Variants in RASGRP1 observed in about 807,000 individuals in gnomAD.
RASGRP1 encodes the protein RAS guanyl releasing protein 1.
RASGRP1 carries 37 observed loss-of-function variants against 95.1 expected under a neutral mutation model. That is an observed-to-expected ratio of 0.39 (90% CI 0.30 to 0.51). RASGRP1 has a LOEUF of 0.51. Ranked by LOEUF, RASGRP1 falls within the 20% of genes least tolerant of loss-of-function variation. The pLI is 0.80. For synonymous variants in RASGRP1, 325 were observed against 353.4 expected, an observed-to-expected ratio of 0.92 and a Z score of 0.90; for missense variants, 711 against 965.4, an observed-to-expected ratio of 0.74 and a Z score of 3.49.
chr15:38,551,985 A>T (rs1164417556), intron 2 of RASGRP1, among the ~76,000 whole-genome samples: 1 of 152,226 alleles, frequency 6.6e-6, no homozygotes, highest in Non-Finnish European at 1.5e-5. Flanking sequence ...CAGAAATCAA[A>T]ATAGAGATAG....
At chr15:38,560,581 T>C (rs996935331) in intron 1 of RASGRP1, among the ~76,000 whole-genome samples, 2 of 152,140 alleles carry the variant, frequency 1.3e-5, no homozygotes, top group African/African-American at 2.4e-5. Flanking sequence ...GGGGGAGAAG[T>C]CAAAGACTGA....
chr15:38,502,135 G>A (rs991821098), intron 12 of RASGRP1, among the ~76,000 whole-genome samples, 177 bp downstream of exon 12: 7 of 152,308 alleles, frequency 4.6e-5, no homozygotes, highest in South Asian at 2.1e-4. Context: ...GATTACAGGC[G>A]TGAGCCACTG....
intron 11 of RASGRP1, 60 bp from the exon 12 acceptor site, chr15:38,502,481 G>T: frequency 1.9e-6 from 2 of 1,071,402 alleles, no homozygotes; most frequent in Non-Finnish European, 2.8e-6. Context: ...TCTCCCTTTA[G>T]TCAAATGACA....
intron 10 of RASGRP1, chr15:38,504,335 T>C (rs1352377406): frequency 6.6e-6 from 1 of 152,238 alleles, no homozygotes; most frequent in Non-Finnish European, 1.5e-5. Flanking sequence ...TTTTACTCTT[T>C]TGTTATGACA....
intron 13 of RASGRP1, among the ~76,000 whole-genome samples, chr15:38,500,830 G>C (rs1022139735): frequency 6.6e-6 from 1 of 152,202 alleles, no homozygotes; most frequent in African/African-American, 2.4e-5. Flanking sequence ...CCTAAAGACA[G>C]AAGGTATCTC....
chr15:38,508,148 A>G, intron 8 of RASGRP1, 147 bp from the exon 9 acceptor site: 1 of 822,568 alleles, frequency 1.2e-6, no homozygotes, highest in Admixed American at 2.9e-5. Context: ...AAAGGTACAG[A>G]TTATGACTCC....
chr15:38,560,992 A>G (rs1893786270), intron 1 of RASGRP1, among the ~76,000 whole-genome samples: 1 of 152,196 alleles, frequency 6.6e-6, no homozygotes, highest in Admixed American at 6.5e-5. Flanking sequence ...ACACAGATCC[A>G]TATCTATAAT....
chr15:38,498,463 G>C (rs780483399), intron 15 of RASGRP1, among the ~76,000 whole-genome samples: 18 of 152,104 alleles, frequency 1.2e-4, no homozygotes, highest in Non-Finnish European at 2.1e-4. Flanking sequence ...CCTAGTCACT[G>C]TTTTGGGTTT....
intron 2 of RASGRP1, among the ~76,000 whole-genome samples, chr15:38,538,934 C>T (rs1210637411): frequency 1.3e-5 from 2 of 152,178 alleles, no homozygotes; most frequent in South Asian, 4.1e-4. Context: ...GCACATGAAA[C>T]CCTCACCCTG....
chr15:38,496,052 G>T (rs892207005), intron 15 of RASGRP1, among the ~76,000 whole-genome samples: 3 of 152,152 alleles, frequency 2.0e-5, no homozygotes, highest in African/African-American at 7.2e-5. Context: ...AGAGATGACA[G>T]TGTTAACAGA....
At chr15:38,502,830 G>A (rs1264204316) in intron 11 of RASGRP1, 3 of 226,398 alleles carry the variant, frequency 1.3e-5, no homozygotes, top group East Asian at 1.1e-4. Context: ...TCACCGTTAC[G>A]CTCTTAGTTT....
chr15:38,531,316 T>C (rs1256748030), intron 2 of RASGRP1, among the ~76,000 whole-genome samples: 1 of 152,222 alleles, frequency 6.6e-6, no homozygotes, highest in African/African-American at 2.4e-5. Context: ...CCTGGCTGCA[T>C]GCTGAATCAC....
In RASGRP1 at chr15:38,526,323, T is replaced by A; in HGVS notation, c.302A>T (p.Glu101Val). 2.5e-6 allele frequency: 4 copies of A among 1,613,254 alleles called. No individual in the cohort carries two copies. Among genetic ancestry groups the A allele is most frequent in the Non-Finnish European group, 3.4e-6 (4 of 1,179,360 alleles). The part of the protein sequence containing the change: ...TMHRIVISSA[E>V]LLQKVITLYK... ...TAGGGTGATAACTTTTTGGAGCAGT[T>A]CTGCAGAGGAGATGACAATTCGGTG... Residue 101 changes from glutamate to valine, a missense_variant, in exon 3 of 17, where the codon GAA becomes GTA. Glu to Val is a moderately radical substitution (Grantham distance 121). Coordinates refer to ENST00000310803, the MANE Select transcript of RASGRP1 (RefSeq NM_005739.4).
chr15:38,528,405 AT>A (rs57034237), intron 2 of RASGRP1, among the ~76,000 whole-genome samples: 116,580 of 151,938 alleles, frequency 0.77, 44,939 homozygotes, highest in African/African-American at 0.81. Context: ...TAAATCTTTT[AT>A]TTTTCAAAGT....
At chr15:38,533,548 C>T (rs1001660268) in intron 2 of RASGRP1, among the ~76,000 whole-genome samples, 4 of 152,048 alleles carry the variant, frequency 2.6e-5, no homozygotes, top group South Asian at 2.1e-4. Context: ...TTAGAGCGGA[C>T]GGCAGCAACT....
At chr15:38,545,210 CAG>C (rs1893062834) in intron 2 of RASGRP1, among the ~76,000 whole-genome samples, 1 of 152,230 alleles carries the variant, frequency 6.6e-6, no homozygotes, top group Non-Finnish European at 1.5e-5. Flanking sequence ...TATATCCTCA[CAG>C]ATGTTATTTC....
intron 2 of RASGRP1, among the ~76,000 whole-genome samples, chr15:38,535,877 T>C (rs987729054): frequency 5.3e-5 from 8 of 152,198 alleles, no homozygotes; most frequent in African/African-American, 1.9e-4. Flanking sequence ...TGAAGAATCA[T>C]GAGTCTCAGA....
At chr15:38,554,231 C>T (rs913487896) in intron 2 of RASGRP1, among the ~76,000 whole-genome samples, 1 of 152,140 alleles carries the variant, frequency 6.6e-6, no homozygotes, top group Non-Finnish European at 1.5e-5. Context: ...GAACCACTTT[C>T]CACAGGTCAT....
chr15:38,543,561 C>CTTTTTTT (rs1312763434), intron 2 of RASGRP1, among the ~76,000 whole-genome samples: 3 of 60,668 alleles, frequency 4.9e-5, no homozygotes, highest in Admixed American at 1.8e-4. Context: ...AAACTCTAGT[C>CTTTTTTT]TTTTTTTTTT....
Sources: allele counts gnomAD v4.1 joint callset (sites outside exome capture counted in the v4.1 genomes callset), GRCh38; gene constraint gnomAD v4.1.1; transcripts MANE v1.5; gene names NCBI Gene and HGNC (gene_info 2026-07-23, HGNC 2026-07-21).